The following TASP1 variants were observed in gnomAD, a reference collection of about 807,000 sequenced individuals.
The protein encoded by TASP1 is taspase 1, also known as threonine aspartase 1.
In TASP1, 16 loss-of-function variants were observed where a neutral mutation model predicts 56.6. The observed-to-expected ratio is 0.28, with a 90% CI of 0.19 to 0.43. The LOEUF (loss-of-function observed/expected upper bound fraction) is 0.43. Among genes scored for constraint, TASP1 ranks in the 20% least tolerant of loss-of-function variants. The pLI is 1.00. For synonymous variants in TASP1, 179 were observed against 184.2 expected, an observed-to-expected ratio of 0.97 and a Z score of 0.23; for missense variants, 393 against 511.6, an observed-to-expected ratio of 0.77 and a Z score of 2.24.
At chr20:13,294,736 A>T in the TASP1 span, among the ~76,000 whole-genome samples, 2 of 152,200 alleles carry the variant, frequency 1.3e-5, no homozygotes, top group Non-Finnish European at 2.9e-5. Flanking sequence ...CCACAGCCAC[A>T]GCCTATCCCA....
the TASP1 span, among the ~76,000 whole-genome samples, chr20:13,382,670 T>C: frequency 6.6e-6 from 1 of 152,190 alleles, no homozygotes; most frequent in Non-Finnish European, 1.5e-5. Flanking sequence ...AACTGTGTTT[T>C]GTCTTTTATA....
the TASP1 span, among the ~76,000 whole-genome samples, chr20:13,180,423 G>A: frequency 2.6e-5 from 4 of 152,118 alleles, no homozygotes; most frequent in African/African-American, 7.2e-5. Context: ...GTCCACCAGC[G>A]CTTGCAAAAT....
Position 13,483,362 on chromosome 20 carries a change from T to G in TASP1, c.875-25A>C, listed in dbSNP as rs545599200. On this transcript the variant is annotated intron_variant, in intron 10 of 13. Coordinates refer to ENST00000337743, the MANE Select transcript of TASP1 (RefSeq NM_017714.3). ...CCTAGAAATCCAAAGAAACCAACAGTTGAGGAAAAGCAGCACCGAACACCC... is the reference window on the plus strand; with the variant it reads ...CCTAGAAATCCAAAGAAACCAACAGGTGAGGAAAAGCAGCACCGAACACCC... 1.3e-5 allele frequency: 19 copies of G among 1,510,132 alleles called. 1 individual carries two copies. The Admixed American group carries it at 3.8e-4, about 30-fold the overall frequency. 93.5% of individuals were successfully genotyped at this position (1,510,132 alleles called of 1,614,324 possible).
At chr20:13,524,182 T>C (rs749400337) in intron 10 of TASP1, among the ~76,000 whole-genome samples, 1 of 151,912 alleles carries the variant, frequency 6.6e-6, no homozygotes, top group African/African-American at 2.4e-5. Context: ...AAAAAAGAAC[T>C]GTATAGACAA....
At chr20:13,174,595 A>T in the TASP1 span, among the ~76,000 whole-genome samples, 1 of 152,056 alleles carries the variant, frequency 6.6e-6, no homozygotes, top group East Asian at 1.9e-4. Flanking sequence ...GTTCCTCAGA[A>T]GACTGAGGCG....
intron 10 of TASP1, among the ~76,000 whole-genome samples, chr20:13,491,884 G>A (rs79383290): frequency 0.023 from 3,387 of 149,366 alleles, 124 homozygotes; most frequent in African/African-American, 0.078. Flanking sequence ...TTAATGTAGT[G>A]TTCTAATGGT....
chr20:13,522,942 G>A (rs1445437796), intron 10 of TASP1, among the ~76,000 whole-genome samples: 1 of 152,126 alleles, frequency 6.6e-6, no homozygotes, highest in Non-Finnish European at 1.5e-5. Context: ...GTATTTACAG[G>A]AGGAGCAAGT....
intron 13 of TASP1, among the ~76,000 whole-genome samples, chr20:13,413,810 T>C (rs770731039): frequency 2.0e-5 from 3 of 152,202 alleles, no homozygotes; most frequent in Non-Finnish European, 2.9e-5. Flanking sequence ...CTGTTAACAT[T>C]TTGCTCCATT....
chr20:13,560,607 G>A lies in TASP1; in HGVS notation c.569-1493C>T, dbSNP rs559120292. On this transcript the variant is annotated intron_variant, in intron 7 of 13. Transcript: ENST00000337743. ...CCAGATTACAGCAGAGCATGAGACC[G>A]ACAGAAGGTGGGGGGAAAAAACAGG... 3.3e-5 allele frequency among the ~76,000 whole-genome samples: 5 copies of A among 152,240 alleles called. No individual in the cohort carries two copies. The East Asian group carries it at 7.7e-4, about 23-fold the overall frequency.
intron 4 of TASP1, among the ~76,000 whole-genome samples, chr20:13,618,201 G>A (rs1349846469): frequency 2.0e-5 from 3 of 152,070 alleles, no homozygotes; most frequent in Non-Finnish European, 4.4e-5. Context: ...CTTGAGGCCA[G>A]GAGTTCGAGA....
At chr20:13,491,436 G>A (rs2043521526) in intron 10 of TASP1, among the ~76,000 whole-genome samples, 1 of 152,132 alleles carries the variant, frequency 6.6e-6, no homozygotes, top group African/African-American at 2.4e-5. Flanking sequence ...GATGGGATTT[G>A]GCCCCATTCA....
chr20:13,236,964 G>A, the TASP1 span, among the ~76,000 whole-genome samples: 15 of 152,256 alleles, frequency 9.9e-5, no homozygotes, highest in Admixed American at 9.8e-4. Flanking sequence ...GCAAGCTGTC[G>A]GTAGATCTAC....
intron 4 of TASP1, among the ~76,000 whole-genome samples, chr20:13,618,416 A>G (rs370742763): frequency 2.6e-5 from 4 of 152,176 alleles, no homozygotes; most frequent in African/African-American, 7.2e-5. Context: ...CTGTCTGAAC[A>G]ACAGCAAAAA....
At chr20:13,400,535 C>G (rs2041697718) in intron 13 of TASP1, among the ~76,000 whole-genome samples, 1 of 152,216 alleles carries the variant, frequency 6.6e-6, no homozygotes, top group Non-Finnish European at 1.5e-5. Flanking sequence ...TCCAAGTACT[C>G]TGAGCATCTC....
the TASP1 span, among the ~76,000 whole-genome samples, chr20:13,362,756 C>T: frequency 7.0e-6 from 1 of 143,564 alleles, no homozygotes; most frequent in African/African-American, 2.6e-5. Flanking sequence ...CAGTGGTTGC[C>T]TAGAATTAGC....
chr20:13,174,107 T>C, the TASP1 span, among the ~76,000 whole-genome samples: 2 of 152,174 alleles, frequency 1.3e-5, no homozygotes, highest in South Asian at 2.1e-4. Flanking sequence ...CAGCCTTCAA[T>C]GTGTATATAT....
the TASP1 span, among the ~76,000 whole-genome samples, chr20:13,333,150 C>T: frequency 6.6e-6 from 1 of 152,226 alleles, no homozygotes; most frequent in South Asian, 2.1e-4. Context: ...GGTCCCTGTG[C>T]CACTGCCCAT....
At chr20:13,355,015 G>C in the TASP1 span, among the ~76,000 whole-genome samples, 1 of 152,132 alleles carries the variant, frequency 6.6e-6, no homozygotes, top group Non-Finnish European at 1.5e-5. Context: ...ATAATATGAA[G>C]AGTGACAATT....
chr20:13,133,617 C>T, the TASP1 span, among the ~76,000 whole-genome samples: 1 of 152,064 alleles, frequency 6.6e-6, no homozygotes, highest in Non-Finnish European at 1.5e-5. Context: ...ACCTGTAATC[C>T]CAGCTACTCT....
Sources: gnomAD v4.1 joint callset for allele counts (sites outside exome capture counted in the v4.1 genomes callset) on GRCh38, gnomAD v4.1.1 for gene constraint, MANE v1.5 for transcripts, NCBI Gene and HGNC (gene_info 2026-07-23, HGNC 2026-07-21) for gene names.